LMO7: variants seen among roughly 807,000 people sequenced by gnomAD.
LMO7 encodes LIM domain only protein 7.
Under a neutral mutation model 206.5 loss-of-function variants are expected in LMO7, and 120 were observed. The ratio of observed to expected loss-of-function variants is 0.58; its 90% CI spans 0.50 to 0.68. LMO7 has a LOEUF of 0.68. LMO7 is among the 30% of genes least tolerant of loss of function. LMO7 has a pLI of 0.00. For synonymous variants in LMO7, 706 were observed against 681.5 expected (o/e 1.04, Z -0.56); for missense variants, 1,959 against 1,957.9 (o/e 1.00, Z -0.01).
chr13:75,645,359 T>C (rs1487547667), intron 1 of LMO7, among the ~76,000 whole-genome samples: 2 of 152,178 alleles, frequency 1.3e-5, no homozygotes, highest in African/African-American at 4.8e-5. Flanking sequence ...AGTTATTTTG[T>C]TATACCACCA....
intron 2 of LMO7, among the ~76,000 whole-genome samples, chr13:75,630,109 T>C (rs894161489): frequency 6.6e-6 from 1 of 152,242 alleles, no homozygotes; most frequent in Non-Finnish European, 1.5e-5. Flanking sequence ...AGATTACTCA[T>C]ATTACCTAAT....
chr13:75,729,191 G>A, intron 3 of LMO7, among the ~76,000 whole-genome samples: 1 of 147,774 alleles, frequency 6.8e-6, no homozygotes, highest in Non-Finnish European at 1.5e-5. Flanking sequence ...GATGGGGATG[G>A]CATTGAATCT....
At chr13:75,791,873 A>T (rs1455596816) in intron 4 of LMO7, among the ~76,000 whole-genome samples, 1 of 152,058 alleles carries the variant, frequency 6.6e-6, no homozygotes, top group Non-Finnish European at 1.5e-5. Context: ...GTATTTTTTT[A>T]AACTATTAAC....
intron 20 of LMO7, among the ~76,000 whole-genome samples, chr13:75,839,452 C>T (rs962867648): frequency 1.3e-5 from 2 of 152,040 alleles, no homozygotes; most frequent in Non-Finnish European, 2.9e-5. Flanking sequence ...TTTAAATAAT[C>T]ATTGTTCTAT....
chr13:75,766,358 G>A (rs748803457), intron 4 of LMO7, among the ~76,000 whole-genome samples: 7 of 151,618 alleles, frequency 4.6e-5, no homozygotes, highest in Non-Finnish European at 7.4e-5. Flanking sequence ...GAGGGTATAG[G>A]CATTGGGGGT....
chr13:75,698,645 A>C (rs1043244201), intron 1 of LMO7, among the ~76,000 whole-genome samples: 3 of 151,080 alleles, frequency 2.0e-5, no homozygotes, highest in Non-Finnish European at 4.4e-5. Context: ...TTTAGAGTAC[A>C]GGAATCATTT....
chr13:75,741,173 C>T (rs568493636), intron 3 of LMO7, among the ~76,000 whole-genome samples: 2 of 152,068 alleles, frequency 1.3e-5, no homozygotes, highest in African/African-American at 4.8e-5. Context: ...GAGGGTGAGC[C>T]ACTCTCACAA....
upstream of LMO7, among the ~76,000 whole-genome samples, chr13:75,633,997 A>T (rs1272458775): frequency 2.1e-5 from 3 of 141,222 alleles, no homozygotes; most frequent in African/African-American, 5.3e-5. Flanking sequence ...CGTCCAGCTA[A>T]TTTTTTTTTT....
intron 7 of LMO7, 67 bp from the exon 8 acceptor site, chr13:75,804,222 C>A: frequency 6.7e-7 from 1 of 1,498,652 alleles, no homozygotes; most frequent in Non-Finnish European, 9.1e-7. Flanking sequence ...AAAGCAGGCG[C>A]GCTGTGTGGG....
chr13:75,753,631 G>T (rs1176621635), intron 3 of LMO7, among the ~76,000 whole-genome samples: 1 of 152,122 alleles, frequency 6.6e-6, no homozygotes, highest in African/African-American at 2.4e-5. Flanking sequence ...GCTAGTGAGT[G>T]AGTTCTCACA....
At chr13:75,706,719 T>G (rs1046865312) in intron 1 of LMO7, among the ~76,000 whole-genome samples, 30 of 152,228 alleles carry the variant, frequency 2.0e-4, no homozygotes, top group African/African-American at 7.2e-4. Flanking sequence ...CAGAGGAGGA[T>G]TATTTTTGAA....
chr13:75,740,298 A>G (rs190438779), intron 3 of LMO7, among the ~76,000 whole-genome samples: 1 of 152,308 alleles, frequency 6.6e-6, no homozygotes, highest in East Asian at 1.9e-4. Context: ...GAAGTATACA[A>G]AACACTGGGG....
chr13:75,652,872 A>G (rs901432039), intron 1 of LMO7, among the ~76,000 whole-genome samples: 3 of 152,312 alleles, frequency 2.0e-5, no homozygotes, highest in Non-Finnish European at 4.4e-5. Flanking sequence ...AATTGAAGGG[A>G]TAGGGAATGT....
intron 3 of LMO7, among the ~76,000 whole-genome samples, chr13:75,755,996 G>A (rs1370334927): frequency 1.3e-5 from 2 of 152,186 alleles, no homozygotes; most frequent in Non-Finnish European, 2.9e-5. Flanking sequence ...TCTTTAGTAA[G>A]TAAATGATGC....
At chr13:75,752,605 G>A (rs2047363328) in intron 3 of LMO7, among the ~76,000 whole-genome samples, 1 of 152,042 alleles carries the variant, frequency 6.6e-6, no homozygotes, top group Admixed American at 6.6e-5. Flanking sequence ...CCACAATGCT[G>A]TGAGTCCCCA....
intron 4 of LMO7, among the ~76,000 whole-genome samples, chr13:75,773,508 G>A (rs2050006835): frequency 1.3e-5 from 2 of 152,186 alleles, no homozygotes. Context: ...CAGTCAATGA[G>A]TGTGGTGATA....
At chr13:75,639,395 C>T (rs34222504) in intron 1 of LMO7, among the ~76,000 whole-genome samples, 28,357 of 152,138 alleles carry the variant, frequency 0.19, 3,456 homozygotes, top group Admixed American at 0.34. Context: ...TTTAAGATCG[C>T]TCAACATAAT....
chr13:75,841,521 T>C lies in LMO7; in HGVS notation c.3676-107T>C, dbSNP rs192350656. 5.3e-5 allele frequency: 43 copies of C among 804,436 alleles called. No individual in the cohort carries two copies. The South Asian group carries it at 6.2e-4, about 12-fold the overall frequency. The allele number at this position is 804,436 out of a possible 1,614,324, so 49.8% of individuals were successfully genotyped here. The stretch of plus-strand genomic sequence containing the variant: ...TTAACATGTTTTTTGAGTGGAGTCC[T>C]GGGCCAACTATAGTTAGTAGCATCT... On this transcript the variant is annotated intron_variant, in intron 23 of 30. Transcript: ENST00000377534.
chr13:75,840,330 T>TA, intron 21 of LMO7, 61 bp from the exon 22 acceptor site: 1 of 1,581,802 alleles, frequency 6.3e-7, no homozygotes, highest in Non-Finnish European at 8.7e-7. Flanking sequence ...AGTGGTTCAG[T>TA]AGATGACTTA....
Sources: gnomAD v4.1 joint callset for allele counts (sites outside exome capture counted in the v4.1 genomes callset) on GRCh38, gnomAD v4.1.1 for gene constraint, MANE v1.5 for transcripts, NCBI Gene and HGNC (gene_info 2026-07-23, HGNC 2026-07-21) for gene names.